MACROD2: variants seen among roughly 807,000 people sequenced by gnomAD.
MACROD2 encodes ADP-ribose glycohydrolase MACROD2.
In MACROD2, 36 loss-of-function variants were observed where a neutral mutation model predicts 70.4. The observed-to-expected ratio is 0.51, with a 90% CI of 0.39 to 0.68. The LOEUF (loss-of-function observed/expected upper bound fraction) is 0.68, where lower values mean the gene tolerates loss of function less well. Among genes scored for constraint, MACROD2 ranks in the 30% least tolerant of loss-of-function variants. The pLI is 0.00. For missense variants in MACROD2, 496 were observed against 538.4 expected (o/e 0.92, Z 0.78); for synonymous variants, 172 against 178.8 (o/e 0.96, Z 0.30).
intron 6 of MACROD2, among the ~76,000 whole-genome samples, chr20:15,330,722 C>T (rs1434583802): frequency 6.6e-6 from 1 of 151,642 alleles, no homozygotes; most frequent in African/African-American, 2.4e-5. Flanking sequence ...ACTTCCTTTG[C>T]ACTTCTGACT....
chr20:15,408,010 G>A (rs2046027622), intron 6 of MACROD2, among the ~76,000 whole-genome samples: 1 of 152,184 alleles, frequency 6.6e-6, no homozygotes, highest in Admixed American at 6.5e-5. Context: ...CTTCAGGACA[G>A]TCCTACTTCC....
At chr20:15,947,319 A>T (rs750681637) in intron 12 of MACROD2, among the ~76,000 whole-genome samples, 4 of 152,148 alleles carry the variant, frequency 2.6e-5, no homozygotes, top group Non-Finnish European at 5.9e-5. Context: ...CATGGGGAAA[A>T]ACCTTGGACA....
At chr20:15,457,387 A>G (rs1158868488) in intron 7 of MACROD2, among the ~76,000 whole-genome samples, 2 of 152,030 alleles carry the variant, frequency 1.3e-5, no homozygotes, top group African/African-American at 4.8e-5. Flanking sequence ...TCTTTCTGAG[A>G]GTTAGATGCA....
intron 10 of MACROD2, among the ~76,000 whole-genome samples, chr20:15,898,172 C>T (rs555454080): frequency 6.6e-6 from 1 of 152,256 alleles, no homozygotes; most frequent in East Asian, 1.9e-4. Flanking sequence ...ATTTATGACC[C>T]TAGCATGGGC....
intron 5 of MACROD2, among the ~76,000 whole-genome samples, chr20:15,032,071 C>T (rs955871470): frequency 6.6e-6 from 1 of 152,302 alleles, no homozygotes; most frequent in Admixed American, 6.5e-5. Context: ...TGCACACACG[C>T]GGCCAGGTGG....
At chr20:14,025,282 G>A (rs372178178) in intron 2 of MACROD2, among the ~76,000 whole-genome samples, 17 of 152,016 alleles carry the variant, frequency 1.1e-4, no homozygotes, top group South Asian at 1.0e-3. Context: ...TCTGGGTAGC[G>A]TTCTATCTAT....
At chr20:15,232,818 G>C (rs2145987322) in intron 6 of MACROD2, among the ~76,000 whole-genome samples, 1 of 152,030 alleles carries the variant, frequency 6.6e-6, no homozygotes, top group East Asian at 1.9e-4. Context: ...TTAAACCAAA[G>C]GCTTTAGGAT....
intron 10 of MACROD2, among the ~76,000 whole-genome samples, chr20:15,932,003 C>T (rs994989966): frequency 2.6e-5 from 4 of 152,116 alleles, no homozygotes; most frequent in Admixed American, 1.3e-4. Context: ...CGGGTCAAAG[C>T]ACTCAAGCAA....
At chr20:15,363,648 C>T (rs955617258) in intron 6 of MACROD2, among the ~76,000 whole-genome samples, 1 of 152,114 alleles carries the variant, frequency 6.6e-6, no homozygotes. Context: ...CCCTCCAGCA[C>T]TGACCTGCCT....
chr20:14,863,991 A>G (rs769510521), intron 5 of MACROD2, among the ~76,000 whole-genome samples: 10 of 152,022 alleles, frequency 6.6e-5, no homozygotes, highest in Admixed American at 1.3e-4. Flanking sequence ...GGTGATTTTT[A>G]TGGTCAGGAG....
intron 3 of MACROD2, among the ~76,000 whole-genome samples, chr20:14,270,385 A>G (rs553720334): frequency 5.3e-4 from 80 of 152,210 alleles, no homozygotes; most frequent in African/African-American, 1.5e-3. Flanking sequence ...AGGTCAGGAC[A>G]TTGAGATGAA....
chr20:15,248,032 T>C (rs780569773), intron 6 of MACROD2, among the ~76,000 whole-genome samples: 9 of 152,186 alleles, frequency 5.9e-5, no homozygotes, highest in Non-Finnish European at 1.0e-4. Context: ...CTGTTTGGAA[T>C]TCTAAGCAAA....
chr20:14,882,460 G>A (rs546835790), intron 5 of MACROD2, among the ~76,000 whole-genome samples: 35 of 152,216 alleles, frequency 2.3e-4, no homozygotes, highest in African/African-American at 3.6e-4. Flanking sequence ...TGTAACCTCC[G>A]TAAGAATAGC....
Position 14,732,614 on chromosome 20 carries a change from T to C in MACROD2, c.418+47655T>C, listed in dbSNP as rs145984590. On this transcript the variant is annotated intron_variant, in intron 5 of 17. Coordinates refer to ENST00000684519, the MANE Select transcript of MACROD2 (RefSeq NM_001351661.2). ...ATTAAAGTGGCATTATAAAGGAAAG[T>C]CGATGTTTTAGCCCGTATCTCAGGA... Among the ~76,000 whole-genome samples, 373 of 152,266 alleles carry C rather than the reference T, an allele frequency of 2.4e-3. 2 individuals are homozygous for C. Among genetic ancestry groups the C allele is most frequent in the African/African-American group, 7.6e-3 (316 of 41,544 alleles).
intron 5 of MACROD2, among the ~76,000 whole-genome samples, chr20:15,014,717 T>C (rs1330405399): frequency 1.3e-5 from 2 of 152,152 alleles, no homozygotes; most frequent in Admixed American, 1.3e-4. Flanking sequence ...CCATATTGCT[T>C]CTGAAACATA....
intron 8 of MACROD2, among the ~76,000 whole-genome samples, chr20:15,646,128 C>T (rs1363942739): frequency 1.3e-5 from 2 of 152,072 alleles, no homozygotes; most frequent in Non-Finnish European, 2.9e-5. Context: ...CTGATAGGAT[C>T]CTATTATTAT....
intron 3 of MACROD2, among the ~76,000 whole-genome samples, chr20:14,124,372 A>T (rs566057459): frequency 2.7e-4 from 41 of 152,306 alleles, no homozygotes; most frequent in Middle Eastern, 3.4e-3. Context: ...TAGGGACTTA[A>T]TAGGCTAATG....
chr20:15,703,377 C>T lies in MACROD2; in HGVS notation c.646-159368C>T, dbSNP rs539239867. The stretch of plus-strand genomic sequence containing the variant: ...TACCATGTTGACACAGCCTCTGTCA[C>T]TTCCTATTTTCTCTCTGACTCAGGA... On this transcript the variant is annotated intron_variant, in intron 8 of 17. Transcript: ENST00000684519. Among the ~76,000 whole-genome samples, 8 of 152,280 alleles carry T rather than the reference C, an allele frequency of 5.3e-5. No individual in the cohort carries two copies. In the East Asian group the frequency reaches 1.5e-3, roughly 29 times the overall value.
intron 3 of MACROD2, among the ~76,000 whole-genome samples, chr20:14,444,716 C>T (rs1028135701): frequency 6.6e-6 from 1 of 152,058 alleles, no homozygotes; most frequent in African/African-American, 2.4e-5. Flanking sequence ...AAATCAGCTT[C>T]TTCTGTGGCC....
Sources: gnomAD v4.1 joint callset for allele counts (sites outside exome capture counted in the v4.1 genomes callset) on GRCh38, gnomAD v4.1.1 for gene constraint, MANE v1.5 for transcripts, NCBI Gene and HGNC (gene_info 2026-07-23, HGNC 2026-07-21) for gene names.